Variants in CDH10 observed in about 807,000 individuals in gnomAD.
CDH10 encodes the protein cadherin 10.
In CDH10, 30 loss-of-function variants were observed where a neutral mutation model predicts 73.1. The ratio of observed to expected loss-of-function variants is 0.41; its 90% CI spans 0.31 to 0.56. The LOEUF (loss-of-function observed/expected upper bound fraction) is 0.56. CDH10 is among the 20% of genes least tolerant of loss of function. The probability of loss-of-function intolerance (pLI) is 0.27; values close to 1 mark genes in which losing one functional copy is unlikely to be tolerated. For missense variants in CDH10, 815 were observed against 973.7 expected (o/e 0.84, Z 2.17); for synonymous variants, 345 against 348.2 (o/e 0.99, Z 0.10).
At chr5:24,531,597 T>C (rs1218565237) in intron 5 of CDH10, among the ~76,000 whole-genome samples, 1 of 152,036 alleles carries the variant, frequency 6.6e-6, no homozygotes, top group Non-Finnish European at 1.5e-5. Flanking sequence ...ATAGCTTGTA[T>C]AGAGGAACTC....
chr5:24,546,023 A>G (rs956494318), intron 2 of CDH10, among the ~76,000 whole-genome samples: 7 of 152,132 alleles, frequency 4.6e-5, no homozygotes, highest in Non-Finnish European at 1.0e-4. Flanking sequence ...GGATTCCTGA[A>G]GGAGAAGGAC....
chr5:24,587,963 T>A (rs1349119152), intron 2 of CDH10, among the ~76,000 whole-genome samples: 1 of 152,184 alleles, frequency 6.6e-6, no homozygotes, highest in Non-Finnish European at 1.5e-5. Context: ...AAAGAGGTGG[T>A]CTGCTCTGAA....
intron 2 of CDH10, among the ~76,000 whole-genome samples, chr5:24,586,490 AG>A (rs1746002919): frequency 8.4e-6 from 1 of 118,932 alleles, no homozygotes. Flanking sequence ...CCGAGGCTGG[AG>A]TGGTGCATTG....
At chr5:24,518,875 A>G in intron 5 of CDH10, among the ~76,000 whole-genome samples, 1 of 94,276 alleles carries the variant, frequency 1.1e-5, no homozygotes, top group South Asian at 4.0e-4. Flanking sequence ...TGATTTTTTG[A>G]CATGTGCACT....
intron 1 of CDH10, among the ~76,000 whole-genome samples, chr5:24,641,676 T>G (rs190201560): frequency 6.6e-6 from 1 of 152,174 alleles, no homozygotes; most frequent in African/African-American, 2.4e-5. Flanking sequence ...ATGAACCATA[T>G]ATTGTACTTA....
At chr5:24,527,440 T>C (rs1743576187) in intron 5 of CDH10, among the ~76,000 whole-genome samples, 1 of 151,254 alleles carries the variant, frequency 6.6e-6, no homozygotes, top group Admixed American at 6.6e-5. Context: ...ACAAAATATA[T>C]AGAGTCATGT....
intron 1 of CDH10, among the ~76,000 whole-genome samples, chr5:24,609,171 G>A (rs1746859720): frequency 6.6e-6 from 1 of 152,182 alleles, no homozygotes; most frequent in African/African-American, 2.4e-5. Flanking sequence ...CCACTGGGAA[G>A]GGGGAAACCA....
chr5:24,614,703 C>T (rs1281270857), intron 1 of CDH10, among the ~76,000 whole-genome samples: 4 of 152,128 alleles, frequency 2.6e-5, no homozygotes, highest in African/African-American at 9.7e-5. Context: ...GTCCTCATGA[C>T]TGCAATAATT....
intron 1 of CDH10, among the ~76,000 whole-genome samples, chr5:24,640,121 G>A (rs1399212080): frequency 6.6e-6 from 1 of 151,732 alleles, no homozygotes; most frequent in Non-Finnish European, 1.5e-5. Context: ...TGTGGCAGAT[G>A]ATAGAATACT....
chr5:24,513,554 A>C (rs975255876), intron 5 of CDH10, among the ~76,000 whole-genome samples: 3 of 152,296 alleles, frequency 2.0e-5, no homozygotes, highest in Admixed American at 2.0e-4. Flanking sequence ...TAAGCCACCC[A>C]TTCTGTAAGA....
intron 1 of CDH10, among the ~76,000 whole-genome samples, chr5:24,614,782 T>C (rs1222925136): frequency 1.3e-5 from 2 of 152,200 alleles, no homozygotes; most frequent in East Asian, 1.9e-4. Context: ...AACTGGGGCA[T>C]AGTACAAGAC....
intron 5 of CDH10, among the ~76,000 whole-genome samples, chr5:24,519,410 A>C (rs1743229937): frequency 6.6e-6 from 1 of 152,232 alleles, no homozygotes; most frequent in South Asian, 2.1e-4. Flanking sequence ...TATAAAATAA[A>C]GACAATGTGC....
chr5:24,502,885 C>G (rs1037592726), intron 8 of CDH10, among the ~76,000 whole-genome samples: 5 of 152,008 alleles, frequency 3.3e-5, no homozygotes, highest in Non-Finnish European at 7.4e-5. Flanking sequence ...AGAAGAAAAA[C>G]TTGGAAATAT....
At chr5:24,545,909 G>A (rs898964257) in intron 2 of CDH10, among the ~76,000 whole-genome samples, 23 of 152,166 alleles carry the variant, frequency 1.5e-4, no homozygotes, top group Admixed American at 2.0e-4. Context: ...GACTTTAAAA[G>A]TTTGGAGACT....
At chr5:24,500,529 G>T (rs1039131774) in intron 8 of CDH10, among the ~76,000 whole-genome samples, 13 of 152,124 alleles carry the variant, frequency 8.5e-5, no homozygotes, top group Non-Finnish European at 1.6e-4. Context: ...CAGGCCCTGG[G>T]GTCTAACATA....
At chr5:24,500,876 A>C (rs1289688572) in intron 8 of CDH10, among the ~76,000 whole-genome samples, 1 of 152,184 alleles carries the variant, frequency 6.6e-6, no homozygotes, top group Non-Finnish European at 1.5e-5. Flanking sequence ...CTACCATTCA[A>C]GTGAGTCTGA....
At chr5:24,498,901 T>C (rs112419375) in intron 8 of CDH10, among the ~76,000 whole-genome samples, 16 of 152,284 alleles carry the variant, frequency 1.1e-4, no homozygotes, top group Admixed American at 8.5e-4. Flanking sequence ...GATGAAGAAA[T>C]AGTTTTTTTT....
intron 1 of CDH10, among the ~76,000 whole-genome samples, chr5:24,601,151 T>A (rs1337496709): frequency 6.6e-6 from 1 of 152,184 alleles, no homozygotes; most frequent in African/African-American, 2.4e-5. Context: ...AAAAGTATCA[T>A]GGGCACTCAG....
At chr5:24,641,578 T>TTTG (rs1238049101) in intron 1 of CDH10, among the ~76,000 whole-genome samples, 1 of 152,122 alleles carries the variant, frequency 6.6e-6, no homozygotes, top group African/African-American at 2.4e-5. Context: ...GATAAATAGA[T>TTTG]TTGTCTGTGC....
Sources: gnomAD v4.1 joint callset for allele counts (sites outside exome capture counted in the v4.1 genomes callset) on GRCh38, gnomAD v4.1.1 for gene constraint, MANE v1.5 for transcripts, NCBI Gene and HGNC (gene_info 2026-07-23, HGNC 2026-07-21) for gene names.